The following STK38L variants were observed in gnomAD, a reference collection of about 807,000 sequenced individuals.
STK38L encodes the protein serine/threonine-protein kinase 38-like.
A neutral mutation model predicts 59.7 loss-of-function variants in STK38L; 28 were observed. The observed-to-expected ratio is 0.47, with a 90% CI of 0.35 to 0.64. The LOEUF is 0.64. Ranked by LOEUF, STK38L falls within the 30% of genes least tolerant of loss-of-function variation. STK38L has a pLI of 0.01. For missense variants in STK38L, 314 were observed against 555.8 expected (o/e 0.56, Z 4.37); for synonymous variants, 162 against 176.8 (o/e 0.92, Z 0.66).
chr12:27,269,691 G>GC (rs1307585765), intron 1 of STK38L, among the ~76,000 whole-genome samples: 1 of 152,154 alleles, frequency 6.6e-6, no homozygotes, highest in Non-Finnish European at 1.5e-5. Flanking sequence ...CACCCAGGCT[G>GC]CAGTGCAATG....
At chr12:27,307,805 C>T (rs964639516) in intron 3 of STK38L, among the ~76,000 whole-genome samples, 2 of 152,048 alleles carry the variant, frequency 1.3e-5, no homozygotes, top group Admixed American at 1.3e-4. Flanking sequence ...ATTGTTTTTG[C>T]AATTTTATAT....
intron 1 of STK38L, among the ~76,000 whole-genome samples, chr12:27,267,843 C>T (rs1403383583): frequency 6.6e-6 from 1 of 152,046 alleles, no homozygotes; most frequent in African/African-American, 2.4e-5. Context: ...AGTTGAGCAT[C>T]TTTTATTATG....
chr12:27,318,192 A>C (rs1052083499), intron 11 of STK38L, among the ~76,000 whole-genome samples, 173 bp downstream of exon 11: 11 of 152,366 alleles, frequency 7.2e-5, no homozygotes, highest in Admixed American at 3.9e-4. Flanking sequence ...ATGCAGAAAA[A>C]AACGTAGGAA....
chr12:27,286,398 CTGTT>C lies in STK38L; in HGVS notation c.-11-11307_-11-11304del, dbSNP rs200792017. On this transcript the variant is annotated intron_variant, in intron 1 of 13. Coordinates refer to ENST00000389032, the MANE Select transcript of STK38L (RefSeq NM_015000.4). ...AATTTAAATCATCTGTAATTTCACA[CTGTT>C]TGTTCATCACAATTTAACTTCCTCT... Among the ~76,000 whole-genome samples, 1,352 of 152,240 alleles carry C rather than the reference CTGTT, an allele frequency of 8.9e-3. 19 individuals are homozygous for C. Among genetic ancestry groups the C allele is most frequent in the Middle Eastern group, 0.027 (8 of 294 alleles).
chr12:27,263,393 A>G (rs1325609799), intron 1 of STK38L, among the ~76,000 whole-genome samples: 1 of 150,904 alleles, frequency 6.6e-6, no homozygotes, highest in Non-Finnish European at 1.5e-5. Context: ...ACTCCAGTTA[A>G]AGAACTCTTT....
At chr12:27,269,311 AGGGATCCAG>A in intron 1 of STK38L, among the ~76,000 whole-genome samples, 1 of 152,226 alleles carries the variant, frequency 6.6e-6, no homozygotes, top group African/African-American at 2.4e-5. Flanking sequence ...GGTGTAAGGA[AGGGATCCAG>A]TTTCAGCTTT....
At chr12:27,316,844 C>A (rs923036660) in intron 9 of STK38L, among the ~76,000 whole-genome samples, 2 of 152,092 alleles carry the variant, frequency 1.3e-5, no homozygotes, top group African/African-American at 4.8e-5. Context: ...TCTATTAGGG[C>A]AGGTATTATT....
chr12:27,322,571 A>T lies in STK38L; in HGVS notation c.*116A>T. The T allele has an allele frequency of 2.2e-6, 3 of 1,369,218 alleles. No individual in the cohort carries two copies. Among genetic ancestry groups the T allele is most frequent in the Non-Finnish European group, 2.9e-6 (3 of 1,034,246 alleles). The allele number at this position is 1,369,218 out of a possible 1,614,324, so 84.8% of individuals were successfully genotyped here. On this transcript the variant is annotated 3_prime_UTR_variant, in exon 14 of 14. Coordinates refer to ENST00000389032, the MANE Select transcript of STK38L (RefSeq NM_015000.4). The stretch of plus-strand genomic sequence containing the variant: ...CTGAAGATGGTGGTGCTTATTGACT[A>T]CAAGAGGAAATTCTACAGGATTAGG...
At chr12:27,291,496 G>A (rs563036624) in intron 1 of STK38L, among the ~76,000 whole-genome samples, 10 of 152,240 alleles carry the variant, frequency 6.6e-5, no homozygotes, top group Admixed American at 2.6e-4. Flanking sequence ...CCTAAGGGCC[G>A]GAACTGTGTT....
intron 1 of STK38L, among the ~76,000 whole-genome samples, chr12:27,248,717 A>G (rs545501876): frequency 1.3e-5 from 2 of 152,344 alleles, no homozygotes; most frequent in East Asian, 3.9e-4. Context: ...TAGGTTCTAG[A>G]AGACACCTAT....
rs760392409 is a variant in STK38L at position 27,297,770 on chromosome 12, C to A, written c.50C>A (p.Thr17Asn). 6.2e-6 allele frequency: 10 copies of A among 1,613,982 alleles called. No individual in the cohort carries two copies. The highest frequency in any genetic ancestry group is 7.6e-6 in the Non-Finnish European group (9 of 1,179,946). Residue 17 changes from threonine (T) to asparagine (N), a missense_variant, in exon 2 of 14, where the codon ACC (threonine) becomes AAC (asparagine). Thr to Asn is a moderately conservative substitution (Grantham distance 65). This residue lies in a region of STK38L where 192 missense variants were observed against 316.9 expected (regional missense o/e 0.61). Coordinates refer to ENST00000389032, the MANE Select transcript of STK38L (RefSeq NM_015000.4). Reference sequence around the variant, plus strand: ...ACAACCTTTCCTATGAGCAACCATACCCGGGAAAGAGTGACTGTAGCCAAG... The same window carrying A: ...ACAACCTTTCCTATGAGCAACCATAACCGGGAAAGAGTGACTGTAGCCAAG... The part of the protein sequence containing the change: ...TTTTFPMSNH[T>N]RERVTVAKLT...
chr12:27,272,449 CT>C (rs1943443865), intron 1 of STK38L, among the ~76,000 whole-genome samples: 1 of 152,156 alleles, frequency 6.6e-6, no homozygotes, highest in South Asian at 2.1e-4. Flanking sequence ...TTGATTTCCC[CT>C]CAAGGAAGGA....
intron 7 of STK38L, 51 bp downstream of exon 7, chr12:27,314,709 A>G (rs747499663): frequency 6.6e-7 from 1 of 1,522,994 alleles, no homozygotes; most frequent in Non-Finnish European, 8.8e-7. Flanking sequence ...TTTTTAGAGC[A>G]GTAGGGCTGA....
At chr12:27,310,726 T>C (rs1944434567) in intron 5 of STK38L, among the ~76,000 whole-genome samples, 1 of 152,210 alleles carries the variant, frequency 6.6e-6, no homozygotes, top group African/African-American at 2.4e-5. Flanking sequence ...TTGTGTTACA[T>C]CTGTACTGGA....
At chr12:27,254,337 A>T (rs1943040440) in intron 1 of STK38L, among the ~76,000 whole-genome samples, 1 of 152,198 alleles carries the variant, frequency 6.6e-6, no homozygotes, top group Non-Finnish European at 1.5e-5. Flanking sequence ...ATTATTTTTT[A>T]AAAATAACAC....
At chr12:27,304,507 T>G (rs1192583328) in intron 3 of STK38L, among the ~76,000 whole-genome samples, 3 of 152,126 alleles carry the variant, frequency 2.0e-5, no homozygotes, top group Non-Finnish European at 4.4e-5. Flanking sequence ...TCTATCATTA[T>G]TTACATGTCA....
chr12:27,277,526 A>G (rs1386905445), intron 1 of STK38L, among the ~76,000 whole-genome samples: 5 of 152,144 alleles, frequency 3.3e-5, no homozygotes, highest in Non-Finnish European at 4.4e-5. Flanking sequence ...TTTTCTGTTC[A>G]TTTCAAAGGA....
At chr12:27,316,936 A>G (rs1009650201) in intron 9 of STK38L, among the ~76,000 whole-genome samples, 12 of 152,214 alleles carry the variant, frequency 7.9e-5, no homozygotes, top group African/African-American at 2.7e-4. Context: ...TGAGTGGGGA[A>G]GCCAGGTCTT....
At chr12:27,256,143 G>A (rs10743601) in intron 1 of STK38L, among the ~76,000 whole-genome samples, 118,440 of 152,122 alleles carry the variant, frequency 0.78, 46,276 homozygotes, top group Non-Finnish European at 0.82. Flanking sequence ...CAGGTGCCCA[G>A]TGATTGAACT....
Sources: allele counts gnomAD v4.1 joint callset (sites outside exome capture counted in the v4.1 genomes callset), GRCh38; gene constraint gnomAD v4.1.1; regional missense constraint gnomAD v4.1.1; transcripts MANE v1.5; gene names NCBI Gene and HGNC (gene_info 2026-07-23, HGNC 2026-07-21).